RIPK2: variants seen among roughly 807,000 people sequenced by gnomAD.
The protein encoded by RIPK2 is receptor-interacting serine/threonine-protein kinase 2.
Under a neutral mutation model 60.9 loss-of-function variants are expected in RIPK2, and 38 were observed. The observed-to-expected ratio is 0.62, with a 90% CI of 0.48 to 0.82. The LOEUF (loss-of-function observed/expected upper bound fraction) is 0.82, where lower values mean the gene tolerates loss of function less well. RIPK2 is among the 40% of genes least tolerant of loss of function. RIPK2 has a pLI of 0.00. For missense variants in RIPK2, 518 were observed against 647.0 expected (o/e 0.80, Z 2.16); for synonymous variants, 225 against 223.4 (o/e 1.01, Z -0.06).
rs1261909075 is a variant in RIPK2 at position 89,769,934 on chromosome 8, A to C, written c.641+5A>C. 1.9e-6 allele frequency: 3 copies of C among 1,570,748 alleles called. No homozygotes were observed. The African/African-American group carries it at 4.2e-5, about 22-fold the overall frequency. ...TATCAAGCACGATATATATAGGTAG[A>C]GTAAAGTTGCTTCTGCTCAGATTTA... On this transcript the variant is annotated splice_donor_5th_base_variant and intron_variant, in intron 4 of 10. Transcript: ENST00000220751.
chr8:89,788,486 A>G (rs1038333431), intron 9 of RIPK2, among the ~76,000 whole-genome samples: 2 of 151,822 alleles, frequency 1.3e-5, no homozygotes, highest in Admixed American at 6.6e-5. Flanking sequence ...ATATAACACT[A>G]AGGTTCATGG....
chr8:89,758,145 T>C lies in RIPK2; in HGVS notation c.85T>C (p.Ser29Pro), dbSNP rs1415561639. ...CCTGCGCTACCTGAGCCGCGGCGCC[T>C]CTGGCACTGTGTCGTCCGCCCGCCA... ...ADLRYLSRGA[S>P]GTVSSARHAD... The change falls in exon 1 of 11, where the codon TCT becomes CCT. Residue 29 changes from serine (S) to proline (P), a missense_variant. Ser to Pro is a moderately conservative substitution (Grantham distance 74). Coordinates refer to ENST00000220751, the MANE Select transcript of RIPK2 (RefSeq NM_003821.6). The C allele has an allele frequency of 6.3e-7, 1 of 1,599,630 alleles. No individual in the cohort carries two copies. Among genetic ancestry groups the C allele is most frequent in the Non-Finnish European group, 8.5e-7 (1 of 1,174,376 alleles).
At chr8:89,781,092 A>G (rs909983235) in intron 7 of RIPK2, among the ~76,000 whole-genome samples, 4 of 151,900 alleles carry the variant, frequency 2.6e-5, no homozygotes, top group Non-Finnish European at 5.9e-5. Context: ...TATATGATAT[A>G]AAAACCAGCA....
intron 6 of RIPK2, among the ~76,000 whole-genome samples, chr8:89,779,302 G>GTT (rs1809453941): frequency 7.6e-6 from 1 of 132,052 alleles, no homozygotes; most frequent in African/African-American, 2.9e-5. Flanking sequence ...TTTTTAGGCG[G>GTT]TTTTTGGGTT....
At chr8:89,762,113 A>G (rs995338192) in intron 1 of RIPK2, among the ~76,000 whole-genome samples, 1 of 152,194 alleles carries the variant, frequency 6.6e-6, no homozygotes, top group East Asian at 1.9e-4. Flanking sequence ...GCTTGAATCC[A>G]GGAGTTTGAG....
At chr8:89,787,689 G>C (rs2130589954) in intron 9 of RIPK2, among the ~76,000 whole-genome samples, 1 of 152,292 alleles carries the variant, frequency 6.6e-6, no homozygotes, top group African/African-American at 2.4e-5. Context: ...TGAACTATTT[G>C]GACTTTTTTA....
At chr8:89,787,231 T>C (rs575108868) in intron 9 of RIPK2, among the ~76,000 whole-genome samples, 8 of 152,104 alleles carry the variant, frequency 5.3e-5, no homozygotes, top group Non-Finnish European at 7.4e-5. Flanking sequence ...AAAAAATCTC[T>C]TACAAGAAAA....
chr8:89,759,434 T>A, intron 1 of RIPK2: 2 of 455,792 alleles, frequency 4.4e-6, no homozygotes, highest in South Asian at 3.1e-5. Context: ...CGATGCCTGA[T>A]TGGCCAGAAG....
chr8:89,788,668 T>A (rs1809625104), intron 9 of RIPK2, among the ~76,000 whole-genome samples: 1 of 152,048 alleles, frequency 6.6e-6, no homozygotes, highest in Non-Finnish European at 1.5e-5. Context: ...TCCCAGCTAC[T>A]TAAGAGGCTG....
chr8:89,772,814 G>T lies in RIPK2; in HGVS notation c.839G>T (p.Arg280Ile). Residue 280 changes from arginine to isoleucine, a missense_variant, in exon 6 of 11, where the codon AGA becomes ATA. Physicochemically the swap from Arg to Ile is moderately conservative, Grantham distance 97 (BLOSUM62 -3). This residue lies in a region of RIPK2 where 448 missense variants were observed against 534.7 expected (regional missense o/e 0.84). Coordinates refer to ENST00000220751, the MANE Select transcript of RIPK2 (RefSeq NM_003821.6). ...GGATGGGCACAAAATCCAGATGAAA[G>T]ACCATCTTTCTTAAGTGAGTATATA... is the stretch of plus-strand genomic sequence containing the variant. ...ESGWAQNPDE[R>I]PSFLKCLIEL... The T allele has an allele frequency of 2.5e-6, 4 of 1,605,464 alleles. No homozygotes were observed. Among genetic ancestry groups the T allele is most frequent in the Non-Finnish European group, 3.4e-6 (4 of 1,175,754 alleles).
At chr8:89,768,942 G>GT (rs1248053532) in intron 3 of RIPK2, among the ~76,000 whole-genome samples, 1 of 151,718 alleles carries the variant, frequency 6.6e-6, no homozygotes, top group Non-Finnish European at 1.5e-5. Context: ...AATATTTTAA[G>GT]TAATTTCAGT....
At chr8:89,779,311 T>TTTTG (rs1554598402) in intron 6 of RIPK2, among the ~76,000 whole-genome samples, 2 of 3,740 alleles carry the variant, frequency 5.3e-4, no homozygotes, top group African/African-American at 3.5e-3. Context: ...GGTTTTTGGG[T>TTTTG]TTTTTTTTTT....
Position 89,765,364 on chromosome 8 carries a change from T to C in RIPK2, c.351T>C (p.Ala117=). ...LHRKTEYPDV[A]WPLRFRILHE... ...AGAAAACTGAATATCCTGATGTTGC[T>C]TGGCCATTGAGATTTCGCATCCTGC... The change falls in exon 3 of 11, where the codon GCT becomes GCC. Residue 117 remains alanine, a synonymous_variant. Coordinates refer to ENST00000220751, the MANE Select transcript of RIPK2 (RefSeq NM_003821.6). 2 of 1,609,980 alleles carry C rather than the reference T, an allele frequency of 1.2e-6. No individual in the cohort carries two copies. The highest frequency in any genetic ancestry group is 1.7e-6 in the Non-Finnish European group (2 of 1,177,422).
chr8:89,767,377 C>T (rs1200989384), intron 3 of RIPK2, among the ~76,000 whole-genome samples: 1 of 151,292 alleles, frequency 6.6e-6, no homozygotes, highest in African/African-American at 2.4e-5. Context: ...TCAAAGAAAT[C>T]AGTAATAGAG....
At chr8:89,761,318 T>C (rs1809141113) in intron 1 of RIPK2, among the ~76,000 whole-genome samples, 1 of 152,142 alleles carries the variant, frequency 6.6e-6, no homozygotes, top group Non-Finnish European at 1.5e-5. Flanking sequence ...CTGTCATTGC[T>C]GCAGCCAACA....
chr8:89,759,184 C>T (rs555038642), intron 1 of RIPK2: 1 of 372,998 alleles, frequency 2.7e-6, no homozygotes, highest in African/African-American at 2.1e-5. Context: ...ATGGCTTTCA[C>T]TTATTGGTTT....
intron 6 of RIPK2, among the ~76,000 whole-genome samples, chr8:89,776,817 G>A (rs112943837): frequency 6.6e-6 from 1 of 152,212 alleles, no homozygotes; most frequent in Non-Finnish European, 1.5e-5. Flanking sequence ...CCAAGATGGA[G>A]TAACTGGGGC....
intron 1 of RIPK2, among the ~76,000 whole-genome samples, chr8:89,760,400 GATTAA>G (rs1809125493): frequency 6.6e-6 from 1 of 152,098 alleles, no homozygotes; most frequent in African/African-American, 2.4e-5. Flanking sequence ...TAACTTTTCT[GATTAA>G]ATTTTTGAGT....
At chr8:89,781,348 G>T (rs1405827283) in intron 7 of RIPK2, among the ~76,000 whole-genome samples, 2 of 115,052 alleles carry the variant, frequency 1.7e-5, no homozygotes, top group Non-Finnish European at 3.4e-5. Context: ...TTCCTTAATA[G>T]ATTGAATTTT....
Sources: allele counts gnomAD v4.1 joint callset (sites outside exome capture counted in the v4.1 genomes callset), GRCh38; gene constraint gnomAD v4.1.1; regional missense constraint gnomAD v4.1.1; transcripts MANE v1.5; gene names NCBI Gene and HGNC (gene_info 2026-07-23, HGNC 2026-07-21).